Variants in MCC observed in about 807,000 individuals in gnomAD.
MCC encodes colorectal mutant cancer protein.
MCC carries 90 observed loss-of-function variants against 116.2 expected under a neutral mutation model. The ratio of observed to expected loss-of-function variants is 0.77; its 90% CI spans 0.65 to 0.92. MCC has a LOEUF of 0.92. MCC is among the 40% of genes least tolerant of loss of function. MCC has a pLI of 0.00. For missense variants in MCC, 1,516 were observed against 1,312.2 expected (o/e 1.16, Z -2.40); for synonymous variants, 578 against 510.5 (o/e 1.13, Z -1.78).
chr5:113,262,937 A>T (rs1327877051), intron 3 of MCC, among the ~76,000 whole-genome samples: 4 of 152,176 alleles, frequency 2.6e-5, no homozygotes, highest in African/African-American at 9.7e-5. Context: ...TTGAAAAGAC[A>T]ATGATGGCTA....
chr5:113,143,462 G>C, intron 4 of MCC, 102 bp from the exon 5 acceptor site: 1 of 1,209,182 alleles, frequency 8.3e-7, no homozygotes. Flanking sequence ...TGCCAACACT[G>C]AGTATGCCCC....
intron 3 of MCC, among the ~76,000 whole-genome samples, chr5:113,154,595 C>T (rs561795453): frequency 6.6e-6 from 1 of 152,326 alleles, no homozygotes; most frequent in African/African-American, 2.4e-5. Flanking sequence ...GACATAACCT[C>T]CCCTCTTTTG....
At chr5:113,388,444 G>C (rs925885846) in intron 1 of MCC, among the ~76,000 whole-genome samples, 1 of 152,198 alleles carries the variant, frequency 6.6e-6, no homozygotes, top group East Asian at 1.9e-4. Flanking sequence ...TGGAGGTGGG[G>C]CCTGGTAGGA....
At position 113,434,104 on chromosome 5, in the gene MCC, T is replaced by G. The variant is rs1368178364; in HGVS notation, c.171-48892A>C. The G allele has an allele frequency of 6.2e-7, 1 of 1,614,098 alleles. No individual in the cohort carries two copies. The highest frequency in any genetic ancestry group is 1.3e-5 in the African/African-American group (1 of 74,932). On this transcript the variant is annotated intron_variant, in intron 1 of 18. Transcript: ENST00000408903. The surrounding 1 kb of genome is among the most constrained non-coding windows in gnomAD (Gnocchi z 4.2). ...TGCAGCATGTGGTAGATGAGGTCCT[T>G]GCACTCGCCTGTCAGGTGCTTGGAG...
chr5:113,347,746 T>TA (rs1768169281), intron 2 of MCC, among the ~76,000 whole-genome samples: 1 of 151,902 alleles, frequency 6.6e-6, no homozygotes, highest in South Asian at 2.1e-4. Context: ...ACATTAAATG[T>TA]AAATGAACTA....
chr5:113,203,013 C>T (rs1762751495), intron 3 of MCC, among the ~76,000 whole-genome samples: 1 of 152,150 alleles, frequency 6.6e-6, no homozygotes, highest in South Asian at 2.1e-4. Flanking sequence ...CCTTTCAGAA[C>T]TTCTGAGCCA....
At chr5:113,199,024 C>T (rs1762559955) in intron 3 of MCC, among the ~76,000 whole-genome samples, 1 of 152,044 alleles carries the variant, frequency 6.6e-6, no homozygotes, top group Non-Finnish European at 1.5e-5. Context: ...AAAAATTAGC[C>T]AGGCATGGTG....
intron 1 of MCC, chr5:113,435,056 G>A (rs1037099810): frequency 1.8e-6 from 1 of 566,250 alleles, no homozygotes; most frequent in East Asian, 2.9e-5. Flanking sequence ...GTGCCCTGGG[G>A]GAATGAGACC....
rs977017845 is a variant in MCC, at chr5:113,073,487, T to C, written c.1785-2253A>G. Among the ~76,000 whole-genome samples the C allele has an allele frequency of 3.9e-5, 6 of 152,172 alleles. No individual in the cohort carries two copies. In the East Asian group the frequency reaches 1.2e-3, roughly 29 times the overall value. On this transcript the variant is annotated intron_variant, in intron 11 of 18. Transcript: ENST00000408903. ...TTACACTTCGAATAAAGAGTAAAATTTGTCCGTGGCATCAAAATCCACAGC... is the reference window on the plus strand; with the variant it reads ...TTACACTTCGAATAAAGAGTAAAATCTGTCCGTGGCATCAAAATCCACAGC...
intron 2 of MCC, among the ~76,000 whole-genome samples, chr5:113,342,662 A>G (rs1439308982): frequency 1.3e-5 from 2 of 152,238 alleles, no homozygotes; most frequent in Non-Finnish European, 2.9e-5. Context: ...TCCAGAAAAA[A>G]ATAGATTTGA....
intron 3 of MCC, among the ~76,000 whole-genome samples, chr5:113,287,558 C>T (rs1766313151): frequency 1.3e-5 from 2 of 152,158 alleles, no homozygotes; most frequent in Admixed American, 6.5e-5. Context: ...AACTCTCGAC[C>T]TCATGATCCA....
At chr5:113,451,772 T>C (rs1771404188) in intron 1 of MCC, among the ~76,000 whole-genome samples, 1 of 152,176 alleles carries the variant, frequency 6.6e-6, no homozygotes. Flanking sequence ...CTTGGAATAA[T>C]CACATCACTT....
At chr5:113,156,320 A>G (rs1375480631) in intron 3 of MCC, among the ~76,000 whole-genome samples, 2 of 152,216 alleles carry the variant, frequency 1.3e-5, no homozygotes, top group Admixed American at 1.3e-4. Context: ...GCACAATTTA[A>G]TCCCTTTTGT....
intron 8 of MCC, among the ~76,000 whole-genome samples, chr5:113,087,044 G>T (rs1755243502): frequency 6.6e-6 from 1 of 152,208 alleles, no homozygotes; most frequent in Non-Finnish European, 1.5e-5. Context: ...CCATAGACAG[G>T]AAGAGTGGAG....
chr5:113,433,713 T>G, intron 1 of MCC: 1 of 1,598,168 alleles, frequency 6.3e-7, no homozygotes, highest in South Asian at 1.1e-5. Context: ...GAGCTCCATC[T>G]CATTCCCTGG....
chr5:113,451,131 T>G (rs958760693), intron 1 of MCC, among the ~76,000 whole-genome samples: 2 of 152,168 alleles, frequency 1.3e-5, no homozygotes, highest in Non-Finnish European at 2.9e-5. Flanking sequence ...TAAGAACCCA[T>G]AGCTGGTGGC....
At chr5:113,032,451 G>A (rs1177762636) in intron 17 of MCC, among the ~76,000 whole-genome samples, 1 of 149,896 alleles carries the variant, frequency 6.7e-6, no homozygotes, top group Non-Finnish European at 1.5e-5. Context: ...TACATGTTGA[G>A]ATATTTTGGA....
chr5:113,214,540 A>G (rs1763242141), intron 3 of MCC, among the ~76,000 whole-genome samples: 1 of 152,182 alleles, frequency 6.6e-6, no homozygotes, highest in Non-Finnish European at 1.5e-5. Context: ...ATGAGATCCT[A>G]TAGCAGGCTA....
intron 3 of MCC, among the ~76,000 whole-genome samples, chr5:113,212,515 G>A (rs1763170348): frequency 6.6e-6 from 1 of 152,104 alleles, no homozygotes. Flanking sequence ...TCACTATAAT[G>A]TTAACATTCT....
Sources: gnomAD v4.1 joint callset for allele counts (sites outside exome capture counted in the v4.1 genomes callset) on GRCh38, gnomAD v4.1.1 for gene constraint, Gnocchi (gnomAD v3.1) non-coding constraint, MANE v1.5 for transcripts, NCBI Gene and HGNC (gene_info 2026-07-23, HGNC 2026-07-21) for gene names.